ZNF676: variants seen among roughly 807,000 people sequenced by gnomAD.
The protein encoded by ZNF676 is zinc finger protein 676.
ZNF676 carries 4 observed loss-of-function variants against 6.0 expected under a neutral mutation model. The ratio of observed to expected loss-of-function variants is 0.67; its 90% CI spans 0.33 to 1.53. ZNF676 has a LOEUF of 1.53. ZNF676 is among the 40% of genes most tolerant of loss of function. The probability of loss-of-function intolerance (pLI) is 0.06; values close to 1 mark genes in which losing one functional copy is unlikely to be tolerated. For synonymous variants in ZNF676, 198 were observed against 223.1 expected (o/e 0.89, Z 1.00); for missense variants, 644 against 679.7 (o/e 0.95, Z 0.58).
chr19:22,186,062 C>T (rs1236865216), intron 2 of ZNF676, among the ~76,000 whole-genome samples: 4 of 152,056 alleles, frequency 2.6e-5, no homozygotes, highest in African/African-American at 9.6e-5. Context: ...GAATAGCAAC[C>T]CCAAGAGAGA....
the ZNF676 span, among the ~76,000 whole-genome samples, chr19:22,254,739 C>T: frequency 6.6e-6 from 1 of 152,170 alleles, no homozygotes; most frequent in African/African-American, 2.4e-5. Flanking sequence ...TGACATATCA[C>T]AATCTGTTCT....
the ZNF676 span, among the ~76,000 whole-genome samples, chr19:22,224,464 T>C: frequency 6.6e-6 from 1 of 152,150 alleles, no homozygotes; most frequent in Non-Finnish European, 1.5e-5. Flanking sequence ...ATATATTCTT[T>C]CTTAGCTGAT....
the ZNF676 span, among the ~76,000 whole-genome samples, chr19:22,248,787 T>C: frequency 2.6e-5 from 4 of 152,200 alleles, no homozygotes; most frequent in South Asian, 2.1e-4. Flanking sequence ...TGGAGTGCCA[T>C]GGCGCATTCT....
At chr19:22,239,847 G>A in the ZNF676 span, among the ~76,000 whole-genome samples, 1 of 152,166 alleles carries the variant, frequency 6.6e-6, no homozygotes, top group Non-Finnish European at 1.5e-5. Flanking sequence ...TGGTGCACAG[G>A]CAGGTGAGGA....
chr19:22,180,141 T>A lies in ZNF676; in HGVS notation c.1576A>T (p.Ile526Phe). Reference protein sequence around the residue: ...WSSILTEHKIIHTGEKPYKCE... With the variant: ...WSSILTEHKIFHTGEKPYKCE... ...TTGTAGGGTTTCTCTCCAGTATGAA[T>A]TATCTTATGTTCAGTAAGGATCGAG... Residue 526 changes from isoleucine to phenylalanine, a missense_variant, in exon 3 of 3, where the codon ATT (isoleucine) becomes TTT (phenylalanine). Physicochemically the swap from Ile to Phe is conservative, Grantham distance 21. Coordinates refer to ENST00000397121, the MANE Select transcript of ZNF676 (RefSeq NM_001001411.3). 1 of 1,613,726 alleles carries A rather than the reference T, an allele frequency of 6.2e-7. No homozygotes were observed. Among genetic ancestry groups the A allele is most frequent in the Non-Finnish European group, 8.5e-7 (1 of 1,179,918 alleles).
At chr19:22,200,515 A>ATTTTTTTTTTTT (rs3035052), upstream of ZNF676, among the ~76,000 whole-genome samples, 20 of 105,846 alleles carry the variant, frequency 1.9e-4, no homozygotes, top group East Asian at 2.9e-4. Flanking sequence ...TGCTTCATCA[A>ATTTTTTTTTTTT]TTTTTTTTTT....
chr19:22,228,908 T>G, the ZNF676 span, among the ~76,000 whole-genome samples: 1 of 152,118 alleles, frequency 6.6e-6, no homozygotes, highest in Non-Finnish European at 1.5e-5. Context: ...AGAATCAATA[T>G]CATGAAAATG....
chr19:22,202,496 C>T (rs2024035869), intron 1 of ZNF676, among the ~76,000 whole-genome samples: 9 of 152,040 alleles, frequency 5.9e-5, no homozygotes, highest in Admixed American at 5.9e-4. Flanking sequence ...TTAGTTGGTA[C>T]CCTATGTGTT....
At chr19:22,194,908 A>T (rs1425426123) in intron 1 of ZNF676, among the ~76,000 whole-genome samples, 1 of 152,140 alleles carries the variant, frequency 6.6e-6, no homozygotes, top group Admixed American at 6.5e-5. Context: ...TAGTTATAGG[A>T]GACAAACCTA....
rs1203761252 is a variant in ZNF676, at chr19:22,180,571, T to C, written c.1146A>G (p.Thr382=). The C allele has an allele frequency of 6.2e-7, 1 of 1,612,850 alleles. No individual in the cohort carries two copies. Among genetic ancestry groups the C allele is most frequent in the Non-Finnish European group, 8.5e-7 (1 of 1,179,766 alleles). The part of the protein sequence containing the change: ...KAFSKVSTLN[T]HKAIHAEEKP... ...TCTCTTCAGCATGAATTGCCTTATG[T>C]GTATTAAGGGTTGAGACCTTACTAA... is the stretch of plus-strand genomic sequence containing the variant. The change falls in exon 3 of 3, where the codon ACA becomes ACG. Residue 382 remains threonine, a synonymous_variant. Transcript: ENST00000397121.
the ZNF676 span, among the ~76,000 whole-genome samples, chr19:22,249,877 T>C: frequency 2.0e-5 from 3 of 152,006 alleles, no homozygotes; most frequent in East Asian, 1.9e-4. Context: ...GACTTGTATA[T>C]AAGATTTTAT....
the ZNF676 span, among the ~76,000 whole-genome samples, chr19:22,226,174 T>C: frequency 6.6e-6 from 1 of 152,152 alleles, no homozygotes; most frequent in Non-Finnish European, 1.5e-5. Context: ...GAAGATATTA[T>C]CTTTTCTCTA....
the ZNF676 span, among the ~76,000 whole-genome samples, chr19:22,227,576 G>A: frequency 1.3e-5 from 2 of 152,042 alleles, no homozygotes; most frequent in Non-Finnish European, 2.9e-5. Flanking sequence ...CCAGGAGCTG[G>A]TTTTTTGAAA....
chr19:22,255,521 GC>G, the ZNF676 span, among the ~76,000 whole-genome samples: 1 of 152,144 alleles, frequency 6.6e-6, no homozygotes, highest in Non-Finnish European at 1.5e-5. Flanking sequence ...AGATAGGAGA[GC>G]CCTCACTTTC....
At chr19:22,201,731 CAAAAAAAA>C (rs35526921), upstream of ZNF676, among the ~76,000 whole-genome samples, 2,018 of 76,308 alleles carry the variant, frequency 0.026, 21 homozygotes, top group African/African-American at 0.08. Flanking sequence ...TTTGTAAAGG[CAAAAAAAA>C]AAAAAAAAAA....
upstream of ZNF676, among the ~76,000 whole-genome samples, chr19:22,217,481 C>T (rs4374311): frequency 4.6e-5 from 7 of 152,142 alleles, no homozygotes; most frequent in African/African-American, 1.2e-4. Context: ...GGATTACAGG[C>T]GTGAGCCACC....
the ZNF676 span, chr19:22,244,395 T>G: frequency 6.6e-6 from 1 of 152,202 alleles, no homozygotes; most frequent in African/African-American, 2.4e-5. Flanking sequence ...GGATCTTACT[T>G]GTTTCCCTAG....
chr19:22,206,031 GAACA>G (rs1477149050), intron 1 of ZNF676, among the ~76,000 whole-genome samples: 3 of 145,806 alleles, frequency 2.1e-5, no homozygotes, highest in Non-Finnish European at 4.5e-5. Context: ...AAAAATTATT[GAACA>G]AATACATCCT....
the ZNF676 span, among the ~76,000 whole-genome samples, chr19:22,227,207 C>T: frequency 6.6e-6 from 1 of 152,136 alleles, no homozygotes; most frequent in East Asian, 1.9e-4. Context: ...ATAAGTAACT[C>T]ACTCAAAACC....
Sources: allele counts gnomAD v4.1 joint callset (sites outside exome capture counted in the v4.1 genomes callset), GRCh38; gene constraint gnomAD v4.1.1; transcripts MANE v1.5; gene names NCBI Gene and HGNC (gene_info 2026-07-23, HGNC 2026-07-21).